The following ROS1 variants were observed in gnomAD, a reference collection of about 807,000 sequenced individuals.
The protein encoded by ROS1 is proto-oncogene tyrosine-protein kinase ROS.
A neutral mutation model predicts 273.5 loss-of-function variants in ROS1; 263 were observed. The ratio of observed to expected loss-of-function variants is 0.96; its 90% CI spans 0.87 to 1.06. ROS1 has a LOEUF of 1.06. Among genes scored for constraint, ROS1 ranks in the 50% least tolerant of loss-of-function variants. The probability of loss-of-function intolerance (pLI) is 0.00; values close to 1 mark genes in which losing one functional copy is unlikely to be tolerated. For missense variants in ROS1, 2,833 were observed against 2,751.1 expected (o/e 1.03, Z -0.67); for synonymous variants, 1,008 against 954.1 (o/e 1.06, Z -1.04).
At position 117,341,297 on chromosome 6, in the gene ROS1, G is replaced by C. The variant is rs768081803; in HGVS notation, c.4899C>G (p.His1633Gln). The change falls in exon 31 of 44, where the codon CAC becomes CAG. Residue 1633 changes from histidine to glutamine, a missense_variant. Physicochemically the swap from His to Gln is conservative, Grantham distance 24. Transcript: ENST00000368507. ...NIYVLKVLAC[H>Q]SEEMWCTESH... ...TCTCTGTACACCACATTTCCTCAGA[G>C]TGGCAGGCAAGAACCTTTTGGTAAA... 2.3e-5 allele frequency: 37 copies of C among 1,613,136 alleles called. No individual in the cohort carries two copies. Among genetic ancestry groups the C allele is most frequent in the Non-Finnish European group, 3.1e-5 (36 of 1,179,588 alleles).
intron 35 of ROS1, 42 bp downstream of exon 35, chr6:117,324,290 T>C (rs1776481739): frequency 2.2e-6 from 2 of 900,084 alleles, no homozygotes; most frequent in Non-Finnish European, 3.6e-6. Flanking sequence ...TATGATTAAG[T>C]AAACAGTTTG....
chr6:117,390,432 G>A (rs961462357), intron 12 of ROS1, among the ~76,000 whole-genome samples: 1 of 152,116 alleles, frequency 6.6e-6, no homozygotes, highest in African/African-American at 2.4e-5. Context: ...TGGCCAGGAA[G>A]GGTCTTTCAA....
chr6:117,394,346 C>T lies in ROS1; in HGVS notation c.1007G>A (p.Gly336Glu). 1 of 1,591,954 alleles carries T rather than the reference C, an allele frequency of 6.3e-7. No homozygotes were observed. Among genetic ancestry groups the T allele is most frequent in the South Asian group, 1.2e-5 (1 of 86,204 alleles). ...TTGCTGGTGGACATCAACAGATATT[C>T]CTAGAAGAGCCATGCAAGTGCACAC... ...RLDAIYHNITGISVDVHQQIV... is the reference protein window; with the variant it reads ...RLDAIYHNITEISVDVHQQIV... Residue 336 changes from glycine to glutamate, a missense_variant and splice_region_variant, in exon 11 of 44, where the codon GGA (glycine) becomes GAA (glutamate). By Grantham distance (98) the Gly-to-Glu change is moderately conservative (BLOSUM62 -2). Transcript: ENST00000368507.
intron 18 of ROS1, among the ~76,000 whole-genome samples, chr6:117,378,661 G>A (rs1018304350): frequency 6.6e-6 from 1 of 152,104 alleles, no homozygotes; most frequent in Admixed American, 6.6e-5. Flanking sequence ...CAGGACAGGG[G>A]GATAAGCTTG....
rs1774210199 is a variant in ROS1, at chr6:117,404,260, A to G, written c.465+20T>C. ...ATTGGGAAGGGGTCTGGGTTGAGGT[A>G]CAAAGGCAGCCTTTCATACCTTAGT... On this transcript the variant is annotated intron_variant, in intron 6 of 43. Coordinates refer to ENST00000368507, the MANE Select transcript of ROS1 (RefSeq NM_001378902.1). The G allele has an allele frequency of 2.5e-6, 4 of 1,610,890 alleles. No individual in the cohort carries two copies. In the East Asian group the frequency reaches 6.7e-5, roughly 27 times the overall value.
At chr6:117,374,593 A>G (rs554457015) in intron 18 of ROS1, among the ~76,000 whole-genome samples, 20 of 152,250 alleles carry the variant, frequency 1.3e-4, no homozygotes, top group Non-Finnish European at 2.6e-4. Context: ...AAGAACCCAA[A>G]ATCAAATGCA....
At chr6:117,352,583 C>T (rs1778965072) in intron 27 of ROS1, among the ~76,000 whole-genome samples, 1 of 152,160 alleles carries the variant, frequency 6.6e-6, no homozygotes, top group Non-Finnish European at 1.5e-5. Context: ...CCTAATACTG[C>T]ATACTGCATA....
chr6:117,400,833 A>G (rs1306430757), intron 7 of ROS1, among the ~76,000 whole-genome samples: 13 of 152,008 alleles, frequency 8.6e-5, no homozygotes, highest in Non-Finnish European at 1.9e-4. Context: ...CTTGAATCAC[A>G]TCTCCGTGGT....
At chr6:117,412,785 C>A (rs192726738) in intron 4 of ROS1, among the ~76,000 whole-genome samples, 2 of 152,256 alleles carry the variant, frequency 1.3e-5, no homozygotes, top group East Asian at 3.9e-4. Flanking sequence ...GAAAACTGAG[C>A]AGCATAATGA....
chr6:117,350,818 T>C (rs2128634538), intron 27 of ROS1, among the ~76,000 whole-genome samples: 1 of 152,160 alleles, frequency 6.6e-6, no homozygotes, highest in African/African-American at 2.4e-5. Context: ...TGTTACAGTG[T>C]TTTTATCTCT....
chr6:117,305,886 T>C (rs1775060169), intron 42 of ROS1, among the ~76,000 whole-genome samples: 1 of 152,124 alleles, frequency 6.6e-6, no homozygotes, highest in African/African-American at 2.4e-5. Flanking sequence ...AATTTGCAGG[T>C]CCTTCAAGTT....
At chr6:117,301,259 A>G in intron 42 of ROS1, 122 bp from the exon 43 acceptor site, 1 of 779,432 alleles carries the variant, frequency 1.3e-6, no homozygotes, top group Non-Finnish European at 2.0e-6. Flanking sequence ...TAATTAATAT[A>G]AGTGAATCAA....
chr6:117,381,016 C>A (rs553026500), intron 17 of ROS1, among the ~76,000 whole-genome samples: 2 of 152,000 alleles, frequency 1.3e-5, no homozygotes, highest in South Asian at 4.1e-4. Context: ...CATCAATGAA[C>A]AAGAGAGAGA....
chr6:117,329,298 T>C (rs2128592899), intron 33 of ROS1, 31 bp downstream of exon 33: 1 of 968,866 alleles, frequency 1.0e-6, no homozygotes, highest in Non-Finnish European at 1.6e-6. Context: ...TAGTTCTTTG[T>C]CATTTACAAG....
chr6:117,346,407 T>A (rs891624312), intron 27 of ROS1, among the ~76,000 whole-genome samples: 10 of 152,048 alleles, frequency 6.6e-5, no homozygotes, highest in African/African-American at 2.2e-4. Context: ...ATAGACTCCA[T>A]TTTTTAAAGA....
At chr6:117,308,740 G>A in intron 42 of ROS1, 54 bp downstream of exon 42, 1 of 1,572,178 alleles carries the variant, frequency 6.4e-7, no homozygotes, top group Non-Finnish European at 8.7e-7. Flanking sequence ...GCCTAAGATT[G>A]TATGTGCACA....
In ROS1 at chr6:117,359,956, TA is replaced by T. The variant is rs748436511; in HGVS notation, c.3485del (p.Leu1162Ter). On this transcript the variant is annotated frameshift_variant, in exon 24 of 44. Coordinates refer to ENST00000368507, the MANE Select transcript of ROS1 (RefSeq NM_001378902.1). LOFTEE classifies it high-confidence loss of function. ...ACACAACTTGATTTTGATCCATATC[TA>T]AAAAAACTATCTTGTTACCAAGAAG... ...ITLLGNKIVF[L>X]DMDQNQVVWT... is the part of the protein sequence containing the mutation. 65 of 1,613,812 alleles carry T rather than the reference TA, an allele frequency of 4.0e-5. 1 individual carries two copies. The South Asian group carries it at 6.5e-4, about 16-fold the overall frequency.
rs1409586765 is a variant in ROS1 at position 117,288,607 on chromosome 6, T to C, written c.6911A>G (p.His2304Arg). Residue 2304 changes from histidine (H) to arginine (R), a missense_variant, in exon 44 of 44, where the codon CAT becomes CGT. Coordinates refer to ENST00000368507, the MANE Select transcript of ROS1 (RefSeq NM_001378902.1). ...CGLRKEEKEP[H>R]ADKDFCQEKQ... ...TTCTTGGCAGAAATCTTTGTCTGCA[T>C]GTGGTTCCTTCTCTTCTTTCCTCAG... 3.1e-6 allele frequency: 5 copies of C among 1,614,090 alleles called. No individual in the cohort carries two copies. In the East Asian group the frequency reaches 1.1e-4, roughly 36 times the overall value.
chr6:117,397,695 A>G (rs995063318), intron 7 of ROS1, among the ~76,000 whole-genome samples: 2 of 152,216 alleles, frequency 1.3e-5, no homozygotes, highest in Non-Finnish European at 2.9e-5. Context: ...AGGCTGACTG[A>G]GCTTCAGCAC....
Sources: gnomAD v4.1 joint callset for allele counts (sites outside exome capture counted in the v4.1 genomes callset) on GRCh38, gnomAD v4.1.1 for gene constraint, MANE v1.5 for transcripts, NCBI Gene and HGNC (gene_info 2026-07-23, HGNC 2026-07-21) for gene names.